Variants in TUFT1 observed in about 807,000 individuals in gnomAD.
TUFT1 encodes the protein tuftelin.
Under a neutral mutation model 57.8 loss-of-function variants are expected in TUFT1, and 43 were observed. The observed-to-expected ratio is 0.74, with a 90% CI of 0.58 to 0.96. The LOEUF is 0.96. Ranked by LOEUF, TUFT1 falls within the 40% of genes least tolerant of loss-of-function variation. The probability of loss-of-function intolerance (pLI) is 0.00; values close to 1 mark genes in which losing one functional copy is unlikely to be tolerated. For missense variants in TUFT1, 459 were observed against 489.0 expected, an observed-to-expected ratio of 0.94 and a Z score of 0.58; for synonymous variants, 166 against 176.7, an observed-to-expected ratio of 0.94 and a Z score of 0.48.
chr1:151,540,583 C>A (rs1419628893), intron 1 of TUFT1, 157 bp downstream of exon 1: 10 of 788,410 alleles, frequency 1.3e-5, no homozygotes, highest in African/African-American at 1.2e-4. Context: ...CTTTTGCCTG[C>A]GACGGGCAGT....
At chr1:151,571,876 A>G in intron 7 of TUFT1, among the ~76,000 whole-genome samples, 1 of 152,126 alleles carries the variant, frequency 6.6e-6, no homozygotes, top group South Asian at 2.1e-4. Context: ...ACCCCATAGT[A>G]TGCAGGACCA....
chr1:151,560,956 TTGTGTGTGTGTGTGTGTGTGTGTG>T (rs68056033), intron 1 of TUFT1, among the ~76,000 whole-genome samples: 11 of 132,538 alleles, frequency 8.3e-5, no homozygotes, highest in African/African-American at 2.7e-4. Context: ...CTGCAAAGTA[TTGTGTGTGTGTGTGTGTGTGTGTG>T]TGTGTGTGTG....
chr1:151,578,607 A>G, intron 9 of TUFT1, 114 bp from the exon 10 acceptor site: 1 of 824,532 alleles, frequency 1.2e-6, no homozygotes, highest in South Asian at 1.5e-5. Context: ...CTACCAGGGA[A>G]TCAGGCAAAG....
intron 4 of TUFT1, 97 bp from the exon 5 acceptor site, chr1:151,564,428 C>T (rs2102539641): frequency 1.2e-6 from 1 of 860,466 alleles, no homozygotes. Context: ...CAGTGCCTGA[C>T]TCGCAGTACA....
chr1:151,574,265 T>A lies in TUFT1; in HGVS notation c.595-5T>A, dbSNP rs751512758. ...CATTTAACATATTCCTGCTCCGTGT[T>A]TTAGGTCACACTCAGCCGGTACCAG... On this transcript the variant is annotated splice_polypyrimidine_tract_variant and splice_region_variant and intron_variant, in intron 7 of 12. Transcript: ENST00000368849. 1 of 1,612,850 alleles carries A rather than the reference T, an allele frequency of 6.2e-7. No homozygotes were observed. The highest frequency in any genetic ancestry group is 1.1e-5 in the South Asian group (1 of 90,856).
At chr1:151,566,484 T>C (rs1383373538) in intron 6 of TUFT1, among the ~76,000 whole-genome samples, 4 of 152,198 alleles carry the variant, frequency 2.6e-5, no homozygotes, top group Non-Finnish European at 5.9e-5. Flanking sequence ...CAGCCTCAGC[T>C]GTTCATTGGA....
chr1:151,559,449 C>T (rs1665814031), intron 1 of TUFT1, among the ~76,000 whole-genome samples: 1 of 152,034 alleles, frequency 6.6e-6, no homozygotes. Context: ...TTGGAGACGC[C>T]TTAGGTGAAA....
At chr1:151,556,111 CTT>C (rs1238907258) in intron 1 of TUFT1, among the ~76,000 whole-genome samples, 1 of 152,152 alleles carries the variant, frequency 6.6e-6, no homozygotes. Context: ...AGCATGTAAA[CTT>C]TTGTGATTGG....
In TUFT1 at chr1:151,563,992, T is replaced by C. The variant is rs1665982655; in HGVS notation, c.324+2T>C. The C allele has an allele frequency of 1.9e-5, 31 of 1,613,052 alleles. No individual in the cohort carries two copies. The highest frequency in any genetic ancestry group is 2.5e-5 in the Non-Finnish European group (29 of 1,179,228). The stretch of plus-strand genomic sequence containing the variant: ...AGTGAGGTCCAGTACATCCAGGAGG[T>C]GGGCACCCCTTACCTCTCACGCAGT... On this transcript the variant is annotated splice_donor_variant, in intron 4 of 12. Coordinates refer to ENST00000368849, the MANE Select transcript of TUFT1 (RefSeq NM_020127.3). LOFTEE classifies it high-confidence loss of function.
chr1:151,553,946 GT>G (rs1337968597), intron 1 of TUFT1, among the ~76,000 whole-genome samples: 1 of 152,098 alleles, frequency 6.6e-6, no homozygotes, highest in Non-Finnish European at 1.5e-5. Context: ...TTTAATGACT[GT>G]TTGGGTATCC....
At chr1:151,571,874 G>A (rs533965839) in intron 7 of TUFT1, among the ~76,000 whole-genome samples, 1 of 152,294 alleles carries the variant, frequency 6.6e-6, no homozygotes, top group East Asian at 1.9e-4. Context: ...TAACCCCATA[G>A]TATGCAGGAC....
In TUFT1 at chr1:151,562,227, C is replaced by T; in HGVS notation, c.135+62C>T. 3.4e-6 allele frequency: 5 copies of T among 1,466,826 alleles called. No homozygotes were observed. In the South Asian group the frequency reaches 4.6e-5, roughly 14 times the overall value. The allele number at this position is 1,466,826 out of a possible 1,614,324, so 90.9% of individuals were successfully genotyped here. ...ACACCAGTGCTTCCTTGCTGCTGGCCTCTTACCCAAGTACTGCCTGGAGCC... is the reference window on the plus strand; with the variant it reads ...ACACCAGTGCTTCCTTGCTGCTGGCTTCTTACCCAAGTACTGCCTGGAGCC... On this transcript the variant is annotated intron_variant, in intron 2 of 12. Coordinates refer to ENST00000368849, the MANE Select transcript of TUFT1 (RefSeq NM_020127.3).
At chr1:151,557,702 G>A (rs1036683164) in intron 1 of TUFT1, 20 of 816,630 alleles carry the variant, frequency 2.4e-5, no homozygotes, top group African/African-American at 1.8e-4. Context: ...CATCTGCCCC[G>A]GAGATTGTGC....
In TUFT1 at chr1:151,540,338, T is replaced by G. The variant is rs781224526; in HGVS notation, c.-29T>G. 1.2e-6 allele frequency: 2 copies of G among 1,613,634 alleles called. No individual in the cohort carries two copies. Among genetic ancestry groups the G allele is most frequent in the Non-Finnish European group, 1.7e-6 (2 of 1,179,836 alleles). ...GGAGCCAGACAGCGGGGTGGACAAG[T>G]GGCGTGTGTGCTGCGACCCCGAGGG... On this transcript the variant is annotated 5_prime_UTR_variant, in exon 1 of 13. Transcript: ENST00000368849.
chr1:151,540,334 C>G lies in TUFT1; in HGVS notation c.-33C>G, dbSNP rs762023996. 4 of 1,613,800 alleles carry G rather than the reference C, an allele frequency of 2.5e-6. No homozygotes were observed. Among genetic ancestry groups the G allele is most frequent in the Admixed American group, 1.7e-5 (1 of 60,016 alleles). On this transcript the variant is annotated 5_prime_UTR_variant, in exon 1 of 13. Transcript: ENST00000368849. ...AGTTGGAGCCAGACAGCGGGGTGGACAAGTGGCGTGTGTGCTGCGACCCCG... is the reference window on the plus strand; with the variant it reads ...AGTTGGAGCCAGACAGCGGGGTGGAGAAGTGGCGTGTGTGCTGCGACCCCG...
At chr1:151,555,776 CAAAAA>C (rs776491723) in intron 1 of TUFT1, among the ~76,000 whole-genome samples, 1 of 70,386 alleles carries the variant, frequency 1.4e-5, no homozygotes. Flanking sequence ...GACTCCGTCT[CAAAAA>C]AAAAAAAAAA....
At position 151,574,513 on chromosome 1, in the gene TUFT1, C is replaced by T. The variant is rs1433932658; in HGVS notation, c.723+115C>T. 13 of 1,356,652 alleles carry T rather than the reference C, an allele frequency of 9.6e-6. No homozygotes were observed. In the East Asian group the frequency reaches 2.8e-4, roughly 30 times the overall value. 84.0% of individuals were successfully genotyped at this position (1,356,652 alleles called of 1,614,324 possible). A position where few individuals can be genotyped will look rare whatever the true frequency, so the allele number is the denominator to read the frequency against. On this transcript the variant is annotated intron_variant, in intron 8 of 12. Coordinates refer to ENST00000368849, the MANE Select transcript of TUFT1 (RefSeq NM_020127.3). ...TTCCAAGCCTCTCCAGAAAAGCACACTTCGCACCTTCCTTTGGCAGATCCC... is the reference window on the plus strand; with the variant it reads ...TTCCAAGCCTCTCCAGAAAAGCACATTTCGCACCTTCCTTTGGCAGATCCC...
chr1:151,569,033 C>A (rs1666165743), intron 6 of TUFT1, among the ~76,000 whole-genome samples: 1 of 152,226 alleles, frequency 6.6e-6, no homozygotes, highest in Non-Finnish European at 1.5e-5. Flanking sequence ...TCATCTCTAA[C>A]CACCAGCCCA....
chr1:151,558,880 G>A (rs1433507381), intron 1 of TUFT1, among the ~76,000 whole-genome samples: 1 of 151,800 alleles, frequency 6.6e-6, no homozygotes, highest in East Asian at 1.9e-4. Flanking sequence ...CACCTCCTAG[G>A]TTCAAGCGAT....
Sources: gnomAD v4.1 joint callset for allele counts (sites outside exome capture counted in the v4.1 genomes callset) on GRCh38, gnomAD v4.1.1 for gene constraint, MANE v1.5 for transcripts, NCBI Gene and HGNC (gene_info 2026-07-23, HGNC 2026-07-21) for gene names.